Variants in PPP3CA observed in about 807,000 individuals in gnomAD.
PPP3CA encodes protein phosphatase 3 catalytic subunit alpha.
In PPP3CA, 14 loss-of-function variants were observed where a neutral mutation model predicts 66.5. The observed-to-expected ratio is 0.21, with a 90% CI of 0.14 to 0.33. The LOEUF is 0.33. PPP3CA is among the 10% of genes least tolerant of loss of function. PPP3CA has a pLI of 1.00. For synonymous variants in PPP3CA, 232 were observed against 226.2 expected, an observed-to-expected ratio of 1.03 and a Z score of -0.23; for missense variants, 317 against 639.5, an observed-to-expected ratio of 0.50 and a Z score of 5.44.
At chr4:101,232,632 A>C (rs1312692353) in intron 1 of PPP3CA, among the ~76,000 whole-genome samples, 2 of 151,678 alleles carry the variant, frequency 1.3e-5, no homozygotes, top group African/African-American at 4.8e-5. Context: ...TATGAGTTTA[A>C]TTTTACATGC....
intron 2 of PPP3CA, among the ~76,000 whole-genome samples, chr4:101,182,817 A>G (rs77102005): frequency 2.0e-5 from 3 of 152,250 alleles, no homozygotes; most frequent in South Asian, 2.1e-4. Context: ...TGCTGGTCTC[A>G]TGATAATGAG....
chr4:101,278,612 G>A (rs575094393), intron 1 of PPP3CA, among the ~76,000 whole-genome samples: 29 of 152,282 alleles, frequency 1.9e-4, no homozygotes, highest in African/African-American at 6.7e-4. Context: ...GATCATGAAG[G>A]CCAACCAGGC....
At chr4:101,258,322 C>G (rs1423909845) in intron 1 of PPP3CA, among the ~76,000 whole-genome samples, 3 of 152,080 alleles carry the variant, frequency 2.0e-5, no homozygotes, top group Non-Finnish European at 4.4e-5. Flanking sequence ...TCAAGGTCAA[C>G]TTGCCCAAAT....
intron 9 of PPP3CA, among the ~76,000 whole-genome samples, chr4:101,062,584 A>C (rs1379898179): frequency 6.6e-6 from 1 of 151,970 alleles, no homozygotes; most frequent in Non-Finnish European, 1.5e-5. Flanking sequence ...CATTTCCCCA[A>C]AATTTTTGTT....
chr4:101,262,356 C>T (rs1417737605), intron 1 of PPP3CA, among the ~76,000 whole-genome samples: 1 of 151,976 alleles, frequency 6.6e-6, no homozygotes, highest in East Asian at 1.9e-4. Context: ...AGGCACATTC[C>T]AATTAAAACA....
chr4:101,326,006 G>A (rs769128202), intron 1 of PPP3CA, among the ~76,000 whole-genome samples: 6 of 152,066 alleles, frequency 3.9e-5, no homozygotes, highest in Admixed American at 6.6e-5. Context: ...AGGTGGGGTC[G>A]CATGTGCCTG....
chr4:101,174,482 A>C (rs1242803972), intron 2 of PPP3CA, among the ~76,000 whole-genome samples: 3 of 152,182 alleles, frequency 2.0e-5, no homozygotes, highest in Non-Finnish European at 4.4e-5. Context: ...ATTTTCTAAA[A>C]CATCTTCTTG....
At position 101,047,120 on chromosome 4, in the gene PPP3CA, T is replaced by C. The variant is rs1249211405; in HGVS notation, c.1157-6554A>G. Among the ~76,000 whole-genome samples the C allele has an allele frequency of 3.3e-5, 5 of 152,284 alleles. No individual in the cohort carries two copies. The East Asian group carries it at 5.8e-4, about 18-fold the overall frequency. ...CTTAACAATAACAAACCTTGAGCTC[T>C]TATATCCCAGCAAAGGGATGTTATG... On this transcript the variant is annotated intron_variant, in intron 10 of 13. Transcript: ENST00000394854.
In PPP3CA at chr4:101,025,737, G is replaced by T. The variant is rs533154618; in HGVS notation, c.*128C>A. The T allele has an allele frequency of 6.3e-5, 42 of 666,972 alleles. No individual in the cohort carries two copies. The highest frequency in any genetic ancestry group is 6.1e-4 in the African/African-American group (32 of 52,518). 41.3% of individuals were successfully genotyped at this position (666,972 alleles called of 1,614,324 possible). A position where few individuals can be genotyped will look rare whatever the true frequency, so the allele number is the denominator to read the frequency against. On this transcript the variant is annotated 3_prime_UTR_variant, in exon 14 of 14. Coordinates refer to ENST00000394854, the MANE Select transcript of PPP3CA (RefSeq NM_000944.5). ...ATAGTGTAAACTGAATCCAATTCCT[G>T]GCCCCCAGAGCAAATAAGCTACTGT...
At chr4:101,326,700 A>C (rs1729219416) in intron 1 of PPP3CA, among the ~76,000 whole-genome samples, 1 of 152,226 alleles carries the variant, frequency 6.6e-6, no homozygotes, top group Non-Finnish European at 1.5e-5. Context: ...ATGACAACAC[A>C]AATCAACTAA....
At chr4:101,066,158 A>T (rs116727979) in intron 8 of PPP3CA, among the ~76,000 whole-genome samples, 245 of 152,252 alleles carry the variant, frequency 1.6e-3, no homozygotes, top group Non-Finnish European at 2.7e-3. Context: ...AAAGTCTCTG[A>T]TCCTTCTAGT....
intron 6 of PPP3CA, among the ~76,000 whole-genome samples, chr4:101,091,821 CTAATAATAATAATAATAATAA>C (rs34522517): frequency 1.4e-5 from 2 of 138,830 alleles, no homozygotes; most frequent in East Asian, 2.1e-4. Context: ...TCTTCAGTAT[CTAATAATAATAATAATAATAA>C]TAATAATAAT....
chr4:101,025,069 T>C lies in PPP3CA; in HGVS notation c.*796A>G, dbSNP rs1008759735. The C allele has an allele frequency of 2.0e-5, 3 of 152,378 alleles. No individual in the cohort carries two copies. Among genetic ancestry groups the C allele is most frequent in the African/African-American group, 7.2e-5 (3 of 41,420 alleles). 9.4% of individuals were successfully genotyped at this position (152,378 alleles called of 1,614,324 possible). ...TCAGCAAGCCACAACCAAGACTTGA[T>C]TTTATCAACAAAAACCCCTAAATAT... On this transcript the variant is annotated 3_prime_UTR_variant, in exon 14 of 14. Transcript: ENST00000394854.
chr4:101,340,256 T>C (rs190404715), intron 1 of PPP3CA, among the ~76,000 whole-genome samples: 4 of 152,162 alleles, frequency 2.6e-5, no homozygotes, highest in Non-Finnish European at 5.9e-5. Context: ...TTTTTTAAAA[T>C]AGAGTCATAG....
chr4:101,201,991 A>G (rs952827665), intron 1 of PPP3CA, among the ~76,000 whole-genome samples: 9 of 152,222 alleles, frequency 5.9e-5, no homozygotes, highest in Non-Finnish European at 1.0e-4. Context: ...CAAGCTCTGA[A>G]GAGCTTACCA....
intron 1 of PPP3CA, among the ~76,000 whole-genome samples, chr4:101,284,859 A>ACTATC (rs1727789279): frequency 6.6e-6 from 1 of 152,188 alleles, no homozygotes; most frequent in Non-Finnish European, 1.5e-5. Flanking sequence ...AGTCATCTGT[A>ACTATC]CAGATTGGAA....
chr4:101,073,909 C>T (rs1729032602), intron 8 of PPP3CA, among the ~76,000 whole-genome samples: 1 of 152,148 alleles, frequency 6.6e-6, no homozygotes, highest in African/African-American at 2.4e-5. Context: ...TTTTATACTG[C>T]AGTAAGTGAT....
chr4:101,162,574 G>A (rs1723553729), intron 2 of PPP3CA, among the ~76,000 whole-genome samples: 1 of 138,344 alleles, frequency 7.2e-6, no homozygotes, highest in Non-Finnish European at 1.6e-5. Flanking sequence ...TAAATAAAGG[G>A]AAATGTATCA....
At chr4:101,110,713 C>G (rs578140697) in intron 2 of PPP3CA, among the ~76,000 whole-genome samples, 2 of 152,032 alleles carry the variant, frequency 1.3e-5, no homozygotes, top group Non-Finnish European at 2.9e-5. Flanking sequence ...AATCCATATT[C>G]TGAGGCATTG....
Sources: gnomAD v4.1 joint callset for allele counts (sites outside exome capture counted in the v4.1 genomes callset) on GRCh38, gnomAD v4.1.1 for gene constraint, MANE v1.5 for transcripts, NCBI Gene and HGNC (gene_info 2026-07-23, HGNC 2026-07-21) for gene names.